Variants in GPHN observed in about 807,000 individuals in gnomAD.
GPHN encodes gephyrin.
In GPHN, 17 loss-of-function variants were observed where a neutral mutation model predicts 95.5. That is an observed-to-expected ratio of 0.18 (90% CI 0.12 to 0.27). The LOEUF (loss-of-function observed/expected upper bound fraction) is 0.27. Ranked by LOEUF, GPHN falls within the 10% of genes least tolerant of loss-of-function variation. The pLI is 1.00. For missense variants in GPHN, 660 were observed against 978.1 expected (o/e 0.67, Z 4.34); for synonymous variants, 320 against 322.5 (o/e 0.99, Z 0.08).
chr14:67,618,143 T>C, the GPHN span, among the ~76,000 whole-genome samples: 1 of 152,136 alleles, frequency 6.6e-6, no homozygotes, highest in Non-Finnish European at 1.5e-5. Context: ...AATACAAAAG[T>C]ATCAACATAA....
chr14:67,263,405 G>T, the GPHN span, among the ~76,000 whole-genome samples: 1 of 152,092 alleles, frequency 6.6e-6, no homozygotes, highest in Non-Finnish European at 1.5e-5. Context: ...AACAAGAAGA[G>T]ACTATTAGGT....
the GPHN span, among the ~76,000 whole-genome samples, chr14:67,475,385 A>C: frequency 6.6e-6 from 1 of 152,150 alleles, no homozygotes; most frequent in Non-Finnish European, 1.5e-5. Context: ...CCCTGCTCTC[A>C]ACTCTTTCAA....
At chr14:66,679,111 G>A (rs531331970) in intron 1 of GPHN, among the ~76,000 whole-genome samples, 1 of 152,342 alleles carries the variant, frequency 6.6e-6, no homozygotes, top group African/African-American at 2.4e-5. Context: ...AAGTCTCCCT[G>A]TTTACACATT....
At chr14:66,805,092 G>A (rs2060495782) in intron 3 of GPHN, among the ~76,000 whole-genome samples, 1 of 152,162 alleles carries the variant, frequency 6.6e-6, no homozygotes, top group South Asian at 2.1e-4. Flanking sequence ...TAAGTTTGTT[G>A]GACTTACAGT....
the GPHN span, among the ~76,000 whole-genome samples, chr14:67,502,057 G>T: frequency 0.087 from 13,197 of 152,256 alleles, 603 homozygotes; most frequent in African/African-American, 0.11. Flanking sequence ...AACAGACTGG[G>T]CACTGTGGCT....
At chr14:67,416,502 A>G in the GPHN span, among the ~76,000 whole-genome samples, 1 of 152,258 alleles carries the variant, frequency 6.6e-6, no homozygotes, top group Non-Finnish European at 1.5e-5. Flanking sequence ...AAAAAGCCAG[A>G]GGAGACAGGA....
At chr14:66,512,509 A>G (rs2058077896) in intron 1 of GPHN, among the ~76,000 whole-genome samples, 1 of 151,854 alleles carries the variant, frequency 6.6e-6, no homozygotes, top group Non-Finnish European at 1.5e-5. Context: ...TGAATGAGAA[A>G]AAGGTACAAA....
the GPHN span, among the ~76,000 whole-genome samples, chr14:67,309,004 T>C: frequency 6.6e-6 from 1 of 151,952 alleles, no homozygotes; most frequent in Admixed American, 6.6e-5. Context: ...CTTATAGATA[T>C]TAAAAAAAGG....
At chr14:66,956,645 G>A (rs907267408) in intron 8 of GPHN, among the ~76,000 whole-genome samples, 7 of 151,864 alleles carry the variant, frequency 4.6e-5, no homozygotes, top group African/African-American at 1.7e-4. Flanking sequence ...GTGATGATGA[G>A]CATTTTTTCA....
chr14:66,788,713 A>G (rs2153469645), intron 3 of GPHN, among the ~76,000 whole-genome samples: 1 of 152,146 alleles, frequency 6.6e-6, no homozygotes, highest in South Asian at 2.1e-4. Flanking sequence ...CTGGAGTGAA[A>G]TGGTACAACG....
At chr14:66,715,586 C>A (rs1200062381) in intron 2 of GPHN, among the ~76,000 whole-genome samples, 1 of 151,988 alleles carries the variant, frequency 6.6e-6, no homozygotes, top group African/African-American at 2.4e-5. Flanking sequence ...TCAGTTTGTG[C>A]TCATTCAGTC....
the GPHN span, among the ~76,000 whole-genome samples, chr14:67,237,611 A>T: frequency 1.3e-5 from 2 of 152,098 alleles, no homozygotes; most frequent in Non-Finnish European, 2.9e-5. Flanking sequence ...TGCCACCATG[A>T]CTGGCTTCCC....
chr14:66,609,569 T>A (rs2062696049), intron 1 of GPHN, among the ~76,000 whole-genome samples: 1 of 152,142 alleles, frequency 6.6e-6, no homozygotes, highest in African/African-American at 2.4e-5. Context: ...GGAATGCCAA[T>A]GAATCCTAGG....
chr14:67,675,600 G>A, the GPHN span, among the ~76,000 whole-genome samples: 4 of 152,174 alleles, frequency 2.6e-5, no homozygotes, highest in Non-Finnish European at 5.9e-5. Context: ...AGGCTGCCTC[G>A]TGCACTTGTT....
the GPHN span, among the ~76,000 whole-genome samples, chr14:67,644,520 G>C: frequency 6.6e-6 from 1 of 152,162 alleles, no homozygotes; most frequent in South Asian, 2.1e-4. Flanking sequence ...TATTGACCAA[G>C]AAGGATGGTT....
At chr14:67,636,188 C>T in the GPHN span, among the ~76,000 whole-genome samples, 1 of 152,038 alleles carries the variant, frequency 6.6e-6, no homozygotes, top group South Asian at 2.1e-4. Context: ...AAACCCATCT[C>T]TCTTGACTTG....
Position 67,111,916 on chromosome 14 carries a change from T to C in GPHN, c.1469T>C (p.Ile490Thr). The C allele has an allele frequency of 1.2e-6, 2 of 1,609,920 alleles. No homozygotes were observed. The highest frequency in any genetic ancestry group is 2.2e-5 in the East Asian group (1 of 44,854). ...GTGCAAGCTCGGCCAGGCCAAGATATCAGGTAACTTCAAAACACATAGAAT... is the reference window on the plus strand; with the variant it reads ...GTGCAAGCTCGGCCAGGCCAAGATACCAGGTAACTTCAAAACACATAGAAT... ...ILVQARPGQD[I>T]RPIGHDIKRG... is the part of the protein sequence containing the mutation. Residue 490 changes from isoleucine to threonine, a missense_variant, in exon 15 of 23, where the codon ATC (isoleucine) becomes ACC (threonine). Ile to Thr is a moderately conservative substitution (Grantham distance 89). Around this residue, in one of 6 missense-constraint regions of GPHN, gnomAD observed 257 missense variants for 376.2 expected, o/e 0.68. Transcript: ENST00000478722.
chr14:66,573,734 C>T (rs578216362), intron 1 of GPHN, among the ~76,000 whole-genome samples: 39 of 152,134 alleles, frequency 2.6e-4, no homozygotes, highest in African/African-American at 8.2e-4. Context: ...GGATTACAGG[C>T]GTGAGCCACC....
chr14:67,080,592 T>G (rs947016316), intron 11 of GPHN, among the ~76,000 whole-genome samples: 5 of 152,124 alleles, frequency 3.3e-5, no homozygotes, highest in Non-Finnish European at 5.9e-5. Flanking sequence ...TGTTGTTGTT[T>G]TTTTCACTGT....
Sources: gnomAD v4.1 joint callset for allele counts (sites outside exome capture counted in the v4.1 genomes callset) on GRCh38, gnomAD v4.1.1 for gene constraint, gnomAD v4.1.1 regional missense constraint, MANE v1.5 for transcripts, NCBI Gene and HGNC (gene_info 2026-07-23, HGNC 2026-07-21) for gene names.